The following TSPAN18 variants were observed in gnomAD, a reference collection of about 807,000 sequenced individuals.
TSPAN18 encodes the protein tetraspanin 18, also known as tetraspanin-18.
TSPAN18 carries 14 observed loss-of-function variants against 27.3 expected under a neutral mutation model. The observed-to-expected ratio is 0.51, with a 90% CI of 0.34 to 0.80. The LOEUF (loss-of-function observed/expected upper bound fraction) is 0.80, where lower values mean the gene tolerates loss of function less well. Ranked by LOEUF, TSPAN18 falls within the 30% of genes least tolerant of loss-of-function variation. The pLI, the probability that TSPAN18 is intolerant of heterozygous loss-of-function variation, is 0.01. For synonymous variants in TSPAN18, 143 were observed against 136.5 expected (o/e 1.05, Z -0.33); for missense variants, 268 against 323.9 (o/e 0.83, Z 1.32).
chr11:44,896,424 G>C (rs867278845), intron 3 of TSPAN18, among the ~76,000 whole-genome samples: 11 of 152,166 alleles, frequency 7.2e-5, no homozygotes, highest in Middle Eastern at 6.8e-3. Flanking sequence ...TACTTCATAG[G>C]GTTGTTCTGA....
intron 4 of TSPAN18, among the ~76,000 whole-genome samples, chr11:44,907,981 C>T (rs932094811): frequency 1.3e-5 from 2 of 148,670 alleles, no homozygotes; most frequent in African/African-American, 2.5e-5. Flanking sequence ...TTTGTACCTG[C>T]GAGGCAGAGG....
At chr11:44,882,627 C>CACACACACAGAG (rs375349718) in intron 3 of TSPAN18, among the ~76,000 whole-genome samples, 16,102 of 130,042 alleles carry the variant, frequency 0.12, 1,113 homozygotes, top group Middle Eastern at 0.18. Context: ...CACACACACA[C>CACACACACAGAG]AGAGAGAGAG....
chr11:44,773,025 ATAAG>A (rs1056027286), intron 2 of TSPAN18, among the ~76,000 whole-genome samples: 1 of 152,214 alleles, frequency 6.6e-6, no homozygotes, highest in African/African-American at 2.4e-5. Context: ...TTCTGACTGA[ATAAG>A]TAGGTGCTCT....
Position 44,795,372 on chromosome 11 carries a change from G to C in TSPAN18, c.-153+30860G>C, listed in dbSNP as rs144546405. ...CCTGGAGCTTCCCTGCCTGGGTTCA[G>C]ATCCAAGGTCCCACTGCCTGCCCCA... On this transcript the variant is annotated intron_variant, in intron 2 of 9. Coordinates refer to ENST00000520358, the MANE Select transcript of TSPAN18 (RefSeq NM_130783.5). Among the ~76,000 whole-genome samples, 71 of 152,238 alleles carry C rather than the reference G, an allele frequency of 4.7e-4. 1 individual carries two copies. The highest frequency in any genetic ancestry group is 1.6e-3 in the African/African-American group (67 of 41,558).
chr11:44,734,614 C>T (rs1425090353), intron 1 of TSPAN18, among the ~76,000 whole-genome samples: 1 of 152,256 alleles, frequency 6.6e-6, no homozygotes, highest in African/African-American at 2.4e-5. Context: ...GAGGTACCCA[C>T]TTCCCTTCCC....
At chr11:44,788,162 A>G (rs926466017) in intron 2 of TSPAN18, among the ~76,000 whole-genome samples, 5 of 152,208 alleles carry the variant, frequency 3.3e-5, no homozygotes, top group African/African-American at 1.2e-4. Flanking sequence ...TTGGAGGGCC[A>G]GGGACTCAGG....
intron 3 of TSPAN18, among the ~76,000 whole-genome samples, chr11:44,905,491 C>A (rs1346878780): frequency 6.6e-6 from 1 of 152,202 alleles, no homozygotes; most frequent in Admixed American, 6.5e-5. Context: ...GATCTCTAAT[C>A]CCTGCCCTGA....
chr11:44,865,952 G>A (rs758493442), intron 3 of TSPAN18, among the ~76,000 whole-genome samples: 6 of 152,260 alleles, frequency 3.9e-5, no homozygotes, highest in Non-Finnish European at 8.8e-5. Context: ...ACCACATTCA[G>A]TCCAGGCTTG....
At chr11:44,779,664 C>T (rs563998616) in intron 2 of TSPAN18, among the ~76,000 whole-genome samples, 2 of 152,254 alleles carry the variant, frequency 1.3e-5, no homozygotes, top group South Asian at 2.1e-4. Context: ...ACCCACATAC[C>T]TGTGCATATT....
At chr11:44,737,789 C>G (rs1046353064) in intron 1 of TSPAN18, among the ~76,000 whole-genome samples, 6 of 152,112 alleles carry the variant, frequency 3.9e-5, no homozygotes, top group Non-Finnish European at 7.3e-5. Flanking sequence ...TTTCTTCTCT[C>G]GCCCCTACCT....
intron 3 of TSPAN18, among the ~76,000 whole-genome samples, chr11:44,870,992 A>G (rs998634596): frequency 2.0e-5 from 3 of 152,150 alleles, no homozygotes; most frequent in Non-Finnish European, 4.4e-5. Context: ...AGGACTTCCT[A>G]GAGGAGGTGA....
intron 1 of TSPAN18, among the ~76,000 whole-genome samples, chr11:44,760,025 G>T (rs1230071198): frequency 6.6e-6 from 1 of 152,214 alleles, no homozygotes; most frequent in Non-Finnish European, 1.5e-5. Flanking sequence ...GGAATTCCAG[G>T]AAGAGCAAAC....
intron 2 of TSPAN18, among the ~76,000 whole-genome samples, chr11:44,852,250 C>T (rs1590580313): frequency 6.6e-6 from 1 of 152,058 alleles, no homozygotes; most frequent in African/African-American, 2.4e-5. Context: ...TTGTGCCAGG[C>T]CCTGATTAAA....
In TSPAN18 at chr11:44,775,930, G is replaced by T. The variant is rs538128353; in HGVS notation, c.-153+11418G>T. On this transcript the variant is annotated intron_variant, in intron 2 of 9. Transcript: ENST00000520358. ...AAATGGATTTTCTGTTTAACTGAGG[G>T]TTAAGTAGAAAACTCGTTTTGATTC... 5.9e-5 allele frequency among the ~76,000 whole-genome samples: 9 copies of T among 152,340 alleles called. 2 individuals carry two copies. The South Asian group carries it at 1.9e-3, about 32-fold the overall frequency.
At chr11:44,847,055 T>C (rs1857500824) in intron 2 of TSPAN18, among the ~76,000 whole-genome samples, 2 of 152,154 alleles carry the variant, frequency 1.3e-5, no homozygotes, top group African/African-American at 4.8e-5. Context: ...AGCCGCTTGC[T>C]GTGGGAGAGG....
At chr11:44,782,537 C>T (rs1420204567) in intron 2 of TSPAN18, among the ~76,000 whole-genome samples, 2 of 134,042 alleles carry the variant, frequency 1.5e-5, no homozygotes, top group Non-Finnish European at 3.2e-5. Context: ...AGTGAGACTC[C>T]GTCTCCACAA....
At chr11:44,810,125 C>T (rs1390565303) in intron 2 of TSPAN18, among the ~76,000 whole-genome samples, 2 of 152,034 alleles carry the variant, frequency 1.3e-5, no homozygotes, top group African/African-American at 4.8e-5. Flanking sequence ...TTTCTTTTTC[C>T]AAAAACCATT....
At position 44,908,821 on chromosome 11, in the gene TSPAN18, A is replaced by AAGAAAG. The variant is rs1554938152; in HGVS notation, c.64-882_64-877dup. On this transcript the variant is annotated intron_variant, in intron 4 of 9. Transcript: ENST00000520358. ...AAAGAAAGAAAGAAAGAAAGAAAGAAAGAAAGAAAAAGAAAAATGGAGCAG... is the reference window on the plus strand; with the variant it reads ...AAAGAAAGAAAGAAAGAAAGAAAGAAAGAAAGAGAAAGAAAAAGAAAAATGGAGCAG... Among the ~76,000 whole-genome samples, 15 of 114,308 alleles carry AAGAAAG rather than the reference A, an allele frequency of 1.3e-4. 3 individuals carry two copies. Among genetic ancestry groups the AAGAAAG allele is most frequent in the Non-Finnish European group, 2.4e-4 (13 of 54,266 alleles). The allele number at this position is 114,308 out of a possible 152,430, so 75.0% of individuals were successfully genotyped here.
intron 2 of TSPAN18, among the ~76,000 whole-genome samples, chr11:44,793,764 T>C (rs750488248): frequency 6.6e-6 from 1 of 152,226 alleles, no homozygotes; most frequent in African/African-American, 2.4e-5. Context: ...TCCTGTTCTT[T>C]ACCTTCCACT....
Sources: gnomAD v4.1 joint callset for allele counts (sites outside exome capture counted in the v4.1 genomes callset) on GRCh38, gnomAD v4.1.1 for gene constraint, MANE v1.5 for transcripts, NCBI Gene and HGNC (gene_info 2026-07-23, HGNC 2026-07-21) for gene names.